The following DISP1 variants were observed in gnomAD, a reference collection of about 807,000 sequenced individuals.
DISP1 encodes dispatched RND transporter family member 1.
Under a neutral mutation model 37.3 loss-of-function variants are expected in DISP1, and 30 were observed. That is an observed-to-expected ratio of 0.80 (90% CI 0.60 to 1.09). The LOEUF (loss-of-function observed/expected upper bound fraction) is 1.09. Ranked by LOEUF, DISP1 falls within the 50% of genes least tolerant of loss-of-function variation. DISP1 has a pLI of 0.00. For synonymous variants in DISP1, 634 were observed against 690.2 expected, an observed-to-expected ratio of 0.92 and a Z score of 1.28; for missense variants, 1,598 against 1,879.5, an observed-to-expected ratio of 0.85 and a Z score of 2.77.
intron 8 of DISP1, among the ~76,000 whole-genome samples, chr1:223,000,699 A>C (rs1289817529): frequency 6.6e-6 from 1 of 152,038 alleles, no homozygotes; most frequent in Non-Finnish European, 1.5e-5. Flanking sequence ...CCCCACCCCC[A>C]CAGGATTAGT....
chr1:222,956,247 G>T (rs1675585651), intron 3 of DISP1, among the ~76,000 whole-genome samples: 1 of 152,140 alleles, frequency 6.6e-6, no homozygotes, highest in African/African-American at 2.4e-5. Context: ...CCCTTTGATG[G>T]ATGGAGTATG....
intron 1 of DISP1, among the ~76,000 whole-genome samples, chr1:222,901,677 A>G (rs910098557): frequency 3.9e-5 from 6 of 152,086 alleles, no homozygotes; most frequent in Non-Finnish European, 8.8e-5. Context: ...GCAGGCATCC[A>G]CCACAATACC....
chr1:222,956,978 G>A (rs1315233044), intron 3 of DISP1, among the ~76,000 whole-genome samples: 2 of 151,836 alleles, frequency 1.3e-5, no homozygotes, highest in Admixed American at 6.6e-5. Flanking sequence ...GTAACACATG[G>A]GACTGTGCTT....
rs1407820867 is a variant in DISP1, at chr1:222,958,467, C to T, written c.509+15135C>T. Among the ~76,000 whole-genome samples the T allele has an allele frequency of 1.3e-5, 2 of 152,136 alleles. 1 individual carries two copies. On this transcript the variant is annotated intron_variant, in intron 3 of 8. Transcript: ENST00000675850. ...TACACGCTTTATGTTTTCCCTTGGA[C>T]TGGCATATTCCTGTCATTTATAAAA...
At chr1:222,950,911 AC>A (rs1461583098) in intron 3 of DISP1, among the ~76,000 whole-genome samples, 1 of 152,212 alleles carries the variant, frequency 6.6e-6, no homozygotes, top group Non-Finnish European at 1.5e-5. Context: ...AACTATACTT[AC>A]CTTTTAATTC....
chr1:222,869,781 C>T (rs1022257173), intron 1 of DISP1, among the ~76,000 whole-genome samples: 1 of 151,732 alleles, frequency 6.6e-6, no homozygotes, highest in African/African-American at 2.4e-5. Context: ...ATTCTTACCA[C>T]CTCTTTTTTT....
chr1:222,925,167 A>G (rs547028561), intron 1 of DISP1, among the ~76,000 whole-genome samples: 2 of 152,202 alleles, frequency 1.3e-5, no homozygotes, highest in South Asian at 2.1e-4. Context: ...TTTTACATGG[A>G]CCCCAAATGT....
intron 1 of DISP1, among the ~76,000 whole-genome samples, chr1:222,868,441 T>C (rs1235393402): frequency 6.6e-6 from 1 of 152,188 alleles, no homozygotes; most frequent in Non-Finnish European, 1.5e-5. Flanking sequence ...ACCAGGCTAA[T>C]AACATTCATT....
chr1:222,991,724 C>T (rs889845051), intron 6 of DISP1, 77 bp downstream of exon 6: 72 of 1,470,342 alleles, frequency 4.9e-5, no homozygotes, highest in Non-Finnish European at 6.4e-5. Flanking sequence ...ACTGCCTAAA[C>T]AAAAAATTTA....
chr1:222,836,007 A>G (rs1275493868), intron 1 of DISP1, among the ~76,000 whole-genome samples: 1 of 151,524 alleles, frequency 6.6e-6, no homozygotes, highest in Non-Finnish European at 1.5e-5. Context: ...CTAGATCTCT[A>G]TTTTGTATTT....
chr1:223,000,434 T>C (rs1018442171), intron 8 of DISP1, among the ~76,000 whole-genome samples: 4 of 152,200 alleles, frequency 2.6e-5, no homozygotes. Flanking sequence ...TCCTAGTTTA[T>C]GGAATGTTTA....
In DISP1 at chr1:222,991,621, T is replaced by G. The variant is rs1390859742; in HGVS notation, c.765T>G (p.Phe255Leu). The G allele has an allele frequency of 6.2e-7, 1 of 1,613,486 alleles. No homozygotes were observed. The highest frequency in any genetic ancestry group is 1.1e-5 in the South Asian group (1 of 91,064). Residue 255 changes from phenylalanine to leucine, a missense_variant, in exon 6 of 9, where the codon TTT (phenylalanine) becomes TTG (leucine). Physicochemically the swap from Phe to Leu is conservative, Grantham distance 22. Coordinates refer to ENST00000675850, the MANE Select transcript of DISP1 (RefSeq NM_001377229.1). ...AAGCAACATTAGCAAATTATCCCTT[T>G]AAATATGCAGATGAACAAGCCAAAA... ...GYKATLANYPFKYADEQAKSH... is the reference protein window; with the variant it reads ...GYKATLANYPLKYADEQAKSH...
intron 1 of DISP1, among the ~76,000 whole-genome samples, chr1:222,855,363 A>G (rs1426523977): frequency 2.0e-5 from 3 of 152,214 alleles, no homozygotes; most frequent in African/African-American, 7.2e-5. Flanking sequence ...ACAATTTTTG[A>G]AAGCCCTGAA....
chr1:222,867,480 T>C (rs1416814971), intron 1 of DISP1, among the ~76,000 whole-genome samples: 2 of 152,172 alleles, frequency 1.3e-5, no homozygotes, highest in Non-Finnish European at 2.9e-5. Context: ...ATGTGGTTAA[T>C]TTGTTAGGAA....
At chr1:222,816,875 G>C (rs1350475601) in intron 1 of DISP1, among the ~76,000 whole-genome samples, 1 of 118,292 alleles carries the variant, frequency 8.5e-6, no homozygotes, top group Non-Finnish European at 2.1e-5. Context: ...AATCTTATTT[G>C]TTTAAGTAGA....
At chr1:222,913,021 T>C (rs1672292784) in intron 1 of DISP1, among the ~76,000 whole-genome samples, 1 of 152,204 alleles carries the variant, frequency 6.6e-6, no homozygotes. Context: ...GCAGAAATGC[T>C]AAAATGAAAA....
In DISP1 at chr1:223,003,851, C is replaced by T. The variant is rs764747224; in HGVS notation, c.2454C>T (p.Ile818=). The change falls in exon 9 of 9, where the codon ATC becomes ATT. Residue 818 remains isoleucine, a synonymous_variant. Transcript: ENST00000675850. This position sits in a 1 kb window ranked among gnomAD's most constrained non-coding sequence, Gnocchi z 4.3. ...GKLTLDSSFN[I]ASPASQAWIL... is the part of the protein sequence containing the mutation. Reference sequence around the variant, plus strand: ...TGACATTAGATAGCAGTTTTAACATCGCCAGCCCAGCTTCCCAGGCCTGGA... The same window carrying T: ...TGACATTAGATAGCAGTTTTAACATTGCCAGCCCAGCTTCCCAGGCCTGGA... 18 of 1,614,044 alleles carry T rather than the reference C, an allele frequency of 1.1e-5. No individual in the cohort carries two copies. Among genetic ancestry groups the T allele is most frequent in the South Asian group, 4.4e-5 (4 of 91,080 alleles).
chr1:222,990,550 G>C (rs1464264659), intron 4 of DISP1, 75 bp from the exon 5 acceptor site: 1 of 1,611,116 alleles, frequency 6.2e-7, no homozygotes, highest in South Asian at 1.1e-5. Flanking sequence ...TTTCTGCGAA[G>C]GGCCTTCTTT....
At chr1:222,836,407 T>C (rs1467651398) in intron 1 of DISP1, among the ~76,000 whole-genome samples, 1 of 152,190 alleles carries the variant, frequency 6.6e-6, no homozygotes, top group Non-Finnish European at 1.5e-5. Context: ...AGAATTATCA[T>C]TTTAAACCAT....
Sources: gnomAD v4.1 joint callset for allele counts (sites outside exome capture counted in the v4.1 genomes callset) on GRCh38, gnomAD v4.1.1 for gene constraint, Gnocchi (gnomAD v3.1) non-coding constraint, MANE v1.5 for transcripts, NCBI Gene and HGNC (gene_info 2026-07-23, HGNC 2026-07-21) for gene names.